Variants in DLG2 observed in about 807,000 individuals in gnomAD.
The protein encoded by DLG2 is discs large MAGUK scaffold protein 2, also known as disks large homolog 2.
Under a neutral mutation model 132.5 loss-of-function variants are expected in DLG2, and 45 were observed. That is an observed-to-expected ratio of 0.34 (90% CI 0.27 to 0.44). DLG2 has a LOEUF of 0.44. DLG2 is among the 20% of genes least tolerant of loss of function. The pLI, the probability that DLG2 is intolerant of heterozygous loss-of-function variation, is 1.00. For missense variants in DLG2, 1,045 were observed against 1,196.9 expected (o/e 0.87, Z 1.87); for synonymous variants, 424 against 419.6 (o/e 1.01, Z -0.13).
chr11:84,163,318 A>G (rs992599318), intron 9 of DLG2, 143 bp downstream of exon 9: 2 of 652,950 alleles, frequency 3.1e-6, no homozygotes, highest in South Asian at 4.7e-5. Context: ...TGAGCATTTC[A>G]TTAATATTCT....
chr11:84,069,992 C>T (rs1387632886), intron 10 of DLG2, among the ~76,000 whole-genome samples: 2 of 152,240 alleles, frequency 1.3e-5, no homozygotes, highest in South Asian at 4.1e-4. Flanking sequence ...TGGATTACTA[C>T]AGTAGCTTCC....
chr11:83,598,145 T>C (rs1010913218), intron 19 of DLG2, among the ~76,000 whole-genome samples: 1 of 152,202 alleles, frequency 6.6e-6, no homozygotes, highest in Admixed American at 6.5e-5. Flanking sequence ...GTGTTTTGCA[T>C]GGGCAAGATG....
intron 21 of DLG2, among the ~76,000 whole-genome samples, chr11:83,493,274 G>A (rs1004813494): frequency 1.3e-5 from 2 of 151,884 alleles, no homozygotes; most frequent in Non-Finnish European, 2.9e-5. Flanking sequence ...GGCTTTTTCT[G>A]ACAGGCCTGT....
chr11:84,038,005 T>C (rs556168539), intron 11 of DLG2, among the ~76,000 whole-genome samples: 1 of 152,182 alleles, frequency 6.6e-6, no homozygotes, highest in African/African-American at 2.4e-5. Context: ...GGAGTACAAG[T>C]GCAGGTTTGT....
chr11:84,896,255 C>T (rs1220710515), intron 6 of DLG2, among the ~76,000 whole-genome samples: 1 of 152,038 alleles, frequency 6.6e-6, no homozygotes. Flanking sequence ...GCAAATTCTA[C>T]AACGAGCAGA....
chr11:84,025,100 G>C (rs2095504007), intron 11 of DLG2, among the ~76,000 whole-genome samples: 1 of 152,234 alleles, frequency 6.6e-6, no homozygotes, highest in Middle Eastern at 3.4e-3. Flanking sequence ...CAGTGTATCT[G>C]TTTGTCATTC....
chr11:84,207,338 C>A (rs1256626127), intron 8 of DLG2, among the ~76,000 whole-genome samples: 1 of 151,494 alleles, frequency 6.6e-6, no homozygotes, highest in Non-Finnish European at 1.5e-5. Flanking sequence ...ATAGCCAATA[C>A]AATCTTGAAA....
intron 4 of DLG2, among the ~76,000 whole-genome samples, chr11:85,250,863 A>T (rs2076363908): frequency 6.6e-6 from 1 of 152,144 alleles, no homozygotes; most frequent in Non-Finnish European, 1.5e-5. Flanking sequence ...TTTGAAAAAA[A>T]TATATATTTT....
Position 84,253,080 on chromosome 11 carries a change from A to G in DLG2, c.520-1789T>C, listed in dbSNP as rs189682080. On this transcript the variant is annotated intron_variant, in intron 7 of 27. Coordinates refer to ENST00000376104, the MANE Select transcript of DLG2 (RefSeq NM_001142699.3). Reference sequence around the variant, plus strand: ...TACATATGTATATAATGGATCAACTAGTTAGTCATAATATTTTCATGATTC... The same window carrying G: ...TACATATGTATATAATGGATCAACTGGTTAGTCATAATATTTTCATGATTC... 4.6e-5 allele frequency among the ~76,000 whole-genome samples: 7 copies of G among 152,308 alleles called. No homozygotes were observed. The East Asian group carries it at 1.4e-3, about 29-fold the overall frequency.
intron 21 of DLG2, among the ~76,000 whole-genome samples, chr11:83,521,134 T>G (rs1384634433): frequency 3.9e-5 from 6 of 152,236 alleles, no homozygotes; most frequent in African/African-American, 1.4e-4. Context: ...AACTGTATAC[T>G]AAATAAATAT....
At chr11:85,529,372 T>A (rs2075029932) in intron 3 of DLG2, among the ~76,000 whole-genome samples, 1 of 152,202 alleles carries the variant, frequency 6.6e-6, no homozygotes, top group Non-Finnish European at 1.5e-5. Context: ...TCCAGCCAAA[T>A]CTGACTAGTG....
chr11:84,960,505 G>A (rs962329520), intron 6 of DLG2, among the ~76,000 whole-genome samples: 3 of 150,808 alleles, frequency 2.0e-5, no homozygotes, highest in Non-Finnish European at 2.9e-5. Context: ...GCGCAATCTC[G>A]GCTCACTGCA....
intron 6 of DLG2, among the ~76,000 whole-genome samples, chr11:84,565,922 C>T (rs984990033): frequency 6.6e-6 from 1 of 151,110 alleles, no homozygotes; most frequent in Non-Finnish European, 1.5e-5. Context: ...TTGACACCAA[C>T]ATAACTACTA....
intron 6 of DLG2, among the ~76,000 whole-genome samples, chr11:84,998,995 T>C (rs187531718): frequency 6.6e-6 from 1 of 151,418 alleles, no homozygotes; most frequent in East Asian, 1.9e-4. Context: ...ATATATTTTA[T>C]TTCTAAGTGT....
chr11:84,379,701 C>T (rs961288152), intron 7 of DLG2, among the ~76,000 whole-genome samples: 3 of 151,786 alleles, frequency 2.0e-5, no homozygotes, highest in South Asian at 2.1e-4. Context: ...GAGTATAAAC[C>T]GTAACATTAT....
chr11:85,432,449 A>T (rs1201660611), intron 3 of DLG2, among the ~76,000 whole-genome samples: 1 of 152,202 alleles, frequency 6.6e-6, no homozygotes, highest in Non-Finnish European at 1.5e-5. Context: ...AAATGGTTAC[A>T]GGAGCTACTA....
intron 8 of DLG2, among the ~76,000 whole-genome samples, chr11:84,184,492 T>G (rs1471440287): frequency 1.2e-4 from 18 of 151,976 alleles, no homozygotes; most frequent in African/African-American, 4.3e-4. Context: ...ATGAGTAGAT[T>G]GCAAAAATTT....
intron 6 of DLG2, among the ~76,000 whole-genome samples, chr11:84,954,970 A>G (rs2051448368): frequency 6.6e-6 from 1 of 152,178 alleles, no homozygotes; most frequent in South Asian, 2.1e-4. Context: ...TGGTTTTGTG[A>G]GCCAGATAAC....
intron 3 of DLG2, among the ~76,000 whole-genome samples, chr11:85,399,269 T>G (rs746009714): frequency 1.1e-4 from 16 of 151,936 alleles, no homozygotes; most frequent in African/African-American, 2.7e-4. Flanking sequence ...CACTGCTCAA[T>G]GAAATAAAAG....
Sources: allele counts gnomAD v4.1 joint callset (sites outside exome capture counted in the v4.1 genomes callset), GRCh38; gene constraint gnomAD v4.1.1; transcripts MANE v1.5; gene names NCBI Gene and HGNC (gene_info 2026-07-23, HGNC 2026-07-21).